Variants in PIAS1 observed in about 807,000 individuals in gnomAD.
The protein encoded by PIAS1 is protein inhibitor of activated STAT 1, also known as E3 SUMO-protein ligase PIAS1.
In PIAS1, 6 loss-of-function variants were observed where a neutral mutation model predicts 71.3. That is an observed-to-expected ratio of 0.08 (90% confidence interval 0.05 to 0.17). The LOEUF (loss-of-function observed/expected upper bound fraction) is 0.17, where lower values mean the gene tolerates loss of function less well. Ranked by LOEUF, PIAS1 falls within the 10% of genes least tolerant of loss-of-function variation. PIAS1 has a pLI of 1.00. For missense variants in PIAS1, 555 were observed against 793.6 expected, an observed-to-expected ratio of 0.70 and a Z score of 3.61; for synonymous variants, 303 against 292.9, an observed-to-expected ratio of 1.03 and a Z score of -0.35.
intron 2 of PIAS1, among the ~76,000 whole-genome samples, chr15:68,090,616 G>C (rs996777436): frequency 1.3e-5 from 2 of 152,004 alleles, no homozygotes; most frequent in African/African-American, 4.8e-5. Context: ...TTTTAATTCA[G>C]TGGATTTTAA....
rs2093010050 is a variant in PIAS1 at position 68,174,480 on chromosome 15, G to C, written c.1169+588G>C. ...TATTCTGCAGCCCCCTTTTCCTCCT[G>C]CTTTTTGCCACTAAACAAAAACAAA... is the stretch of plus-strand genomic sequence containing the variant. On this transcript the variant is annotated intron_variant, in intron 9 of 13. Transcript: ENST00000249636. The surrounding 1 kb of genome is among the most constrained non-coding windows in gnomAD (Gnocchi z 4.0). Among the ~76,000 whole-genome samples, 3 of 151,980 alleles carry C rather than the reference G, an allele frequency of 2.0e-5. No individual in the cohort carries two copies. The South Asian group carries it at 6.2e-4, about 32-fold the overall frequency.
chr15:68,122,121 C>T (rs2092618409), intron 2 of PIAS1, among the ~76,000 whole-genome samples: 2 of 151,972 alleles, frequency 1.3e-5, no homozygotes, highest in African/African-American at 4.8e-5. Flanking sequence ...AGAGCAAGAC[C>T]CTGTCTCAAA....
intron 1 of PIAS1, among the ~76,000 whole-genome samples, chr15:68,074,894 A>G (rs1417677113): frequency 6.7e-6 from 1 of 150,332 alleles, no homozygotes; most frequent in Non-Finnish European, 1.5e-5. Flanking sequence ...GTTAAAATGG[A>G]TGCTAAAAAG....
In PIAS1 at chr15:68,181,254, C is replaced by T. The variant is rs749852868; in HGVS notation, c.1524C>T (p.Thr508=). ...ATCAAGCATCTCCAGTATCCCGCAC[C>T]CCAAGCCTTCCTGCTGTAGACACAA... ...LPHQASPVSR[T]PSLPAVDTSY... Residue 508 remains threonine, a synonymous_variant, in exon 12 of 14, where the codon ACC becomes ACT. Coordinates refer to ENST00000249636, the MANE Select transcript of PIAS1 (RefSeq NM_016166.3). 1 of 1,613,450 alleles carries T rather than the reference C, an allele frequency of 6.2e-7. No individual in the cohort carries two copies. The highest frequency in any genetic ancestry group is 1.3e-5 in the African/African-American group (1 of 74,902).
At chr15:68,160,545 TTTTG>T (rs916690615) in intron 7 of PIAS1, among the ~76,000 whole-genome samples, 33 of 152,328 alleles carry the variant, frequency 2.2e-4, no homozygotes, top group South Asian at 6.2e-4. Flanking sequence ...AATTCTCCAA[TTTTG>T]TTTTTCTTTT....
In PIAS1 at chr15:68,054,475, G is replaced by T; in HGVS notation, c.24+125G>T. On this transcript the variant is annotated intron_variant, in intron 1 of 13. Coordinates refer to ENST00000249636, the MANE Select transcript of PIAS1 (RefSeq NM_016166.3). The surrounding 1 kb of genome is among the most constrained non-coding windows in gnomAD (Gnocchi z 4.6). The stretch of plus-strand genomic sequence containing the variant: ...GACTCCACCCGGGCCTGGAGTTGTA[G>T]GGAGAGAGGCGCGCCCGGTCTCAGC... 1 of 1,043,650 alleles carries T rather than the reference G, an allele frequency of 9.6e-7. No homozygotes were observed. The highest frequency in any genetic ancestry group is 1.4e-6 in the Non-Finnish European group (1 of 713,802). The allele number at this position is 1,043,650 out of a possible 1,614,324, so 64.6% of individuals were successfully genotyped here.
chr15:68,056,223 C>T (rs2091894429), intron 1 of PIAS1, among the ~76,000 whole-genome samples: 1 of 152,194 alleles, frequency 6.6e-6, no homozygotes, highest in South Asian at 2.1e-4. Context: ...ATACATGGAC[C>T]ATAGAATAAA....
chr15:68,104,599 C>G (rs1036658376), intron 2 of PIAS1, among the ~76,000 whole-genome samples: 1 of 151,962 alleles, frequency 6.6e-6, no homozygotes, highest in Non-Finnish European at 1.5e-5. Flanking sequence ...AACAATTGAT[C>G]TCATGGAGGT....
chr15:68,145,271 C>T (rs1252676191), intron 4 of PIAS1, among the ~76,000 whole-genome samples: 1 of 152,048 alleles, frequency 6.6e-6, no homozygotes, highest in African/African-American at 2.4e-5. Flanking sequence ...AGTACTTTGG[C>T]TTACTGATCC....
At chr15:68,087,246 C>G (rs2092291650) in intron 2 of PIAS1, among the ~76,000 whole-genome samples, 1 of 151,978 alleles carries the variant, frequency 6.6e-6, no homozygotes, top group African/African-American at 2.4e-5. Flanking sequence ...GAAGTGCATG[C>G]TTTACAGGCA....
Position 68,177,478 on chromosome 15 carries a change from G to T in PIAS1, c.1481+824G>T, listed in dbSNP as rs538529962. ...CTGCTTCAGAATGTGAATGAGGCTG[G>T]TAGTGAATGACTTCTGTTGCAGCAC... On this transcript the variant is annotated intron_variant, in intron 11 of 13. Transcript: ENST00000249636. Among the ~76,000 whole-genome samples, 10 of 152,194 alleles carry T rather than the reference G, an allele frequency of 6.6e-5. No homozygotes were observed. The South Asian group carries it at 1.9e-3, about 28-fold the overall frequency.
intron 12 of PIAS1, among the ~76,000 whole-genome samples, chr15:68,182,490 C>CTTGTGTGT (rs142487547): frequency 8.1e-6 from 1 of 123,280 alleles, no homozygotes; most frequent in Non-Finnish European, 1.7e-5. Context: ...GCTCAGGCTG[C>CTTGTGTGT]GTGTGTGTGT....
rs574128082 is a variant in PIAS1 at position 68,179,812 on chromosome 15, A to T, written c.1482-1400A>T. 3.5e-4 allele frequency among the ~76,000 whole-genome samples: 53 copies of T among 151,694 alleles called. 1 individual carries two copies. Among genetic ancestry groups the T allele is most frequent in the Admixed American group, 3.0e-3 (46 of 15,254 alleles). On this transcript the variant is annotated intron_variant, in intron 11 of 13. Coordinates refer to ENST00000249636, the MANE Select transcript of PIAS1 (RefSeq NM_016166.3). Reference sequence around the variant, plus strand: ...AGGCTGGTCTCAAACTCCCAACCTCAGGTGATCCATGCGCCTTGGCCTCCC... The same window carrying T: ...AGGCTGGTCTCAAACTCCCAACCTCTGGTGATCCATGCGCCTTGGCCTCCC...
intron 1 of PIAS1, among the ~76,000 whole-genome samples, chr15:68,075,172 C>T (rs1370078245): frequency 1.3e-5 from 2 of 148,668 alleles, no homozygotes; most frequent in Non-Finnish European, 3.0e-5. Flanking sequence ...GCAACCTCCG[C>T]CCCCCCAGGT....
At position 68,058,692 on chromosome 15, in the gene PIAS1, A is replaced by G. The variant is rs188428257; in HGVS notation, c.24+4342A>G. ...GAGTTTGTTAGTTGGAATCATACAC[A>G]TTAATTTTTGTAAGTATCATTTTGC... On this transcript the variant is annotated intron_variant, in intron 1 of 13. Coordinates refer to ENST00000249636, the MANE Select transcript of PIAS1 (RefSeq NM_016166.3). Among the ~76,000 whole-genome samples, 22 of 152,348 alleles carry G rather than the reference A, an allele frequency of 1.4e-4. No individual in the cohort carries two copies. The East Asian group carries it at 3.9e-3, about 27-fold the overall frequency.
chr15:68,159,083 T>C (rs1290627374), intron 7 of PIAS1, among the ~76,000 whole-genome samples: 3 of 152,190 alleles, frequency 2.0e-5, no homozygotes, highest in Non-Finnish European at 4.4e-5. Context: ...TAATTTTAAA[T>C]GTGACTAGCT....
chr15:68,070,345 C>T (rs371087948), intron 1 of PIAS1, among the ~76,000 whole-genome samples: 1 of 152,136 alleles, frequency 6.6e-6, no homozygotes, highest in African/African-American at 2.4e-5. Flanking sequence ...TGAAATGAAG[C>T]AAGTAAGAAA....
chr15:68,163,245 T>A (rs2092936605), intron 7 of PIAS1, among the ~76,000 whole-genome samples: 1 of 152,232 alleles, frequency 6.6e-6, no homozygotes, highest in Non-Finnish European at 1.5e-5. Context: ...TGACTAAGAT[T>A]TGGTGTATAA....
chr15:68,071,791 A>C lies in PIAS1; in HGVS notation c.25-14515A>C, dbSNP rs949179114. On this transcript the variant is annotated intron_variant, in intron 1 of 13. Coordinates refer to ENST00000249636, the MANE Select transcript of PIAS1 (RefSeq NM_016166.3). Reference sequence around the variant, plus strand: ...GACCAGCCTGGCCAACTCTACAAAAAACAGAAATTAGCCATGGGGAGTGAC... The same window carrying C: ...GACCAGCCTGGCCAACTCTACAAAACACAGAAATTAGCCATGGGGAGTGAC... 2.6e-5 allele frequency among the ~76,000 whole-genome samples: 4 copies of C among 151,014 alleles called. No individual in the cohort carries two copies. The East Asian group carries it at 8.0e-4, about 30-fold the overall frequency.
Sources: gnomAD v4.1 joint callset for allele counts (sites outside exome capture counted in the v4.1 genomes callset) on GRCh38, gnomAD v4.1.1 for gene constraint, Gnocchi (gnomAD v3.1) non-coding constraint, MANE v1.5 for transcripts, NCBI Gene and HGNC (gene_info 2026-07-23, HGNC 2026-07-21) for gene names.